Variants in PALM2AKAP2 observed in about 807,000 individuals in gnomAD.
PALM2AKAP2 encodes PALM2-AKAP2 fusion protein.
In PALM2AKAP2, 37 loss-of-function variants were observed where a neutral mutation model predicts 71.5. The observed-to-expected ratio is 0.52, with a 90% confidence interval of 0.40 to 0.68. PALM2AKAP2 has a LOEUF of 0.68. Ranked by LOEUF, PALM2AKAP2 falls within the 30% of genes least tolerant of loss-of-function variation. The probability of loss-of-function intolerance (pLI) is 0.00; values close to 1 mark genes in which losing one functional copy is unlikely to be tolerated. For synonymous variants in PALM2AKAP2, 468 were observed against 478.8 expected, an observed-to-expected ratio of 0.98 and a Z score of 0.29; for missense variants, 1,224 against 1,191.8, an observed-to-expected ratio of 1.03 and a Z score of -0.40.
At chr9:109,899,564 GT>G (rs74488004) in intron 3 of PALM2AKAP2, among the ~76,000 whole-genome samples, 23,324 of 152,112 alleles carry the variant, frequency 0.15, 2,247 homozygotes, top group East Asian at 0.25. Context: ...CCCTTTACCT[GT>G]TTTCCTTGGA....
chr9:109,807,095 G>GTA (rs1295553725), intron 1 of PALM2AKAP2, among the ~76,000 whole-genome samples: 1 of 151,794 alleles, frequency 6.6e-6, no homozygotes, highest in Non-Finnish European at 1.5e-5. Context: ...GATGTTGATA[G>GTA]TATAGTTCAG....
intron 1 of PALM2AKAP2, among the ~76,000 whole-genome samples, chr9:109,648,357 A>C (rs1030839611): frequency 6.6e-6 from 1 of 152,160 alleles, no homozygotes; most frequent in Non-Finnish European, 1.5e-5. Context: ...TAATTCTCTT[A>C]ATTCATTCAA....
chr9:109,925,037 T>C (rs1830922369), intron 4 of PALM2AKAP2, 24 bp from the exon 5 acceptor site: 4 of 1,614,154 alleles, frequency 2.5e-6, no homozygotes, highest in African/African-American at 1.3e-5. Context: ...AGAGTAACGC[T>C]CTGCCTTGTT....
chr9:109,954,067 A>C (rs934321486), intron 6 of PALM2AKAP2, among the ~76,000 whole-genome samples: 10 of 152,054 alleles, frequency 6.6e-5, no homozygotes, highest in African/African-American at 2.4e-4. Flanking sequence ...GGGTAAAATC[A>C]CTTTGTTTTC....
chr9:110,015,014 T>C (rs975478699), intron 6 of PALM2AKAP2, among the ~76,000 whole-genome samples: 4 of 151,800 alleles, frequency 2.6e-5, no homozygotes, highest in Non-Finnish European at 4.4e-5. Flanking sequence ...TTTTCTTTGA[T>C]ATTAGAAAAA....
intron 1 of PALM2AKAP2, among the ~76,000 whole-genome samples, chr9:109,680,238 T>C (rs1179911758): frequency 1.3e-5 from 2 of 152,198 alleles, no homozygotes; most frequent in Non-Finnish European, 2.9e-5. Flanking sequence ...TAAACTCCTT[T>C]CTCTGAACGA....
At chr9:109,703,930 G>A (rs778651445) in intron 1 of PALM2AKAP2, among the ~76,000 whole-genome samples, 11 of 152,070 alleles carry the variant, frequency 7.2e-5, no homozygotes, top group Non-Finnish European at 1.3e-4. Context: ...AAAATTAAGA[G>A]GTCTTTCATA....
chr9:109,679,852 A>G (rs1256049523), intron 1 of PALM2AKAP2, among the ~76,000 whole-genome samples: 1 of 152,176 alleles, frequency 6.6e-6, no homozygotes, highest in African/African-American at 2.4e-5. Context: ...TATAAGAAAT[A>G]TGGTTACTGG....
At chr9:110,033,956 T>A (rs894831333) in intron 7 of PALM2AKAP2, among the ~76,000 whole-genome samples, 5 of 152,194 alleles carry the variant, frequency 3.3e-5, no homozygotes, top group African/African-American at 1.2e-4. Flanking sequence ...ACACTTGTTC[T>A]TATTTTAAAG....
chr9:109,705,441 G>A (rs796927361), intron 1 of PALM2AKAP2, among the ~76,000 whole-genome samples: 13 of 152,220 alleles, frequency 8.5e-5, no homozygotes, highest in African/African-American at 2.6e-4. Context: ...TGGCACCATC[G>A]CTACTATGTG....
At chr9:109,836,481 AC>A (rs1236159807) in intron 1 of PALM2AKAP2, among the ~76,000 whole-genome samples, 1 of 152,216 alleles carries the variant, frequency 6.6e-6, no homozygotes, top group Non-Finnish European at 1.5e-5. Context: ...CCCCTCCTCC[AC>A]CAAAGGAATG....
chr9:109,664,329 G>A (rs1215685583), intron 1 of PALM2AKAP2, among the ~76,000 whole-genome samples: 1 of 152,180 alleles, frequency 6.6e-6, no homozygotes. Flanking sequence ...GCTGGTACCG[G>A]TTGTTTCTTT....
intron 1 of PALM2AKAP2, among the ~76,000 whole-genome samples, chr9:110,095,037 T>C (rs368887944): frequency 6.6e-6 from 1 of 152,174 alleles, no homozygotes; most frequent in Admixed American, 6.5e-5. Context: ...CCCTACCGTA[T>C]GTGTAGTACT....
intron 6 of PALM2AKAP2, among the ~76,000 whole-genome samples, chr9:109,932,656 T>A (rs1831132014): frequency 6.6e-6 from 1 of 152,196 alleles, no homozygotes; most frequent in Non-Finnish European, 1.5e-5. Flanking sequence ...TTTGCTCTGC[T>A]TAATGCAGAC....
chr9:110,011,520 A>G (rs1332439789), intron 6 of PALM2AKAP2, among the ~76,000 whole-genome samples: 1 of 152,218 alleles, frequency 6.6e-6, no homozygotes. Flanking sequence ...ACAAATCAGC[A>G]TTCTAAGCTA....
chr9:109,797,283 G>C (rs1827287876), intron 1 of PALM2AKAP2, among the ~76,000 whole-genome samples: 1 of 152,212 alleles, frequency 6.6e-6, no homozygotes, highest in African/African-American at 2.4e-5. Context: ...GAGCTTCAGA[G>C]GAGAGAGGGA....
chr9:109,764,989 G>T (rs1382138997), intron 1 of PALM2AKAP2, among the ~76,000 whole-genome samples: 1 of 152,186 alleles, frequency 6.6e-6, no homozygotes, highest in Non-Finnish European at 1.5e-5. Context: ...GAACAGCCAT[G>T]TATCTGAACT....
intron 6 of PALM2AKAP2, among the ~76,000 whole-genome samples, chr9:109,978,984 G>C (rs1306438547): frequency 2.0e-5 from 3 of 151,734 alleles, no homozygotes; most frequent in Non-Finnish European, 4.4e-5. Flanking sequence ...CTCTGCTCCA[G>C]GCCTTCTTTT....
chr9:109,921,079 A>T (rs965284766), intron 3 of PALM2AKAP2, among the ~76,000 whole-genome samples: 1 of 152,236 alleles, frequency 6.6e-6, no homozygotes, highest in African/African-American at 2.4e-5. Flanking sequence ...TAGATTGGCC[A>T]GCCCCCTCTC....
Sources: gnomAD v4.1 joint callset for allele counts (sites outside exome capture counted in the v4.1 genomes callset) on GRCh38, gnomAD v4.1.1 for gene constraint, MANE v1.5 for transcripts, NCBI Gene and HGNC (gene_info 2026-07-23, HGNC 2026-07-21) for gene names.